PHKB: variants seen among roughly 807,000 people sequenced by gnomAD.
PHKB encodes the protein phosphorylase kinase regulatory subunit beta.
A neutral mutation model predicts 152.1 loss-of-function variants in PHKB; 122 were observed. The ratio of observed to expected loss-of-function variants is 0.80; its 90% CI spans 0.69 to 0.93. PHKB has a LOEUF of 0.93. Among genes scored for constraint, PHKB ranks in the 40% least tolerant of loss-of-function variants. The pLI, the probability that PHKB is intolerant of heterozygous loss-of-function variation, is 0.00. For synonymous variants in PHKB, 436 were observed against 464.9 expected (o/e 0.94, Z 0.80); for missense variants, 1,304 against 1,328.4 (o/e 0.98, Z 0.29).
chr16:47,587,832 A>G, intron 9 of PHKB, 69 bp downstream of exon 9: 1 of 1,161,322 alleles, frequency 8.6e-7, no homozygotes, highest in Middle Eastern at 1.9e-4. Flanking sequence ...TTATATCTTA[A>G]TTTCCAGTAA....
intron 26 of PHKB, among the ~76,000 whole-genome samples, chr16:47,686,001 C>T (rs1973958991): frequency 6.6e-6 from 1 of 152,088 alleles, no homozygotes; most frequent in Non-Finnish European, 1.5e-5. Context: ...CAGCCTCCCA[C>T]AGTGCTGGGA....
intron 10 of PHKB, among the ~76,000 whole-genome samples, chr16:47,591,404 A>G (rs548753541): frequency 1.3e-5 from 2 of 152,156 alleles, no homozygotes; most frequent in African/African-American, 4.8e-5. Context: ...ATCCATTTAC[A>G]TTACTGAGTC....
chr16:47,628,228 G>C (rs1299264698), intron 14 of PHKB, among the ~76,000 whole-genome samples: 1 of 152,056 alleles, frequency 6.6e-6, no homozygotes, highest in Non-Finnish European at 1.5e-5. Flanking sequence ...TGCAATATAG[G>C]GCATATTAAA....
At chr16:47,668,276 C>T (rs1241866954) in intron 25 of PHKB, among the ~76,000 whole-genome samples, 1 of 152,116 alleles carries the variant, frequency 6.6e-6, no homozygotes, top group Non-Finnish European at 1.5e-5. Flanking sequence ...AGTATTCACA[C>T]GCAGACTAAC....
intron 6 of PHKB, 82 bp from the exon 7 acceptor site, chr16:47,547,351 G>C: frequency 4.9e-6 from 4 of 819,202 alleles, no homozygotes; most frequent in Non-Finnish European, 6.3e-6. Context: ...CCAAATTGCT[G>C]GGATTACAGG....
chr16:47,665,255 C>G (rs1054686639), intron 25 of PHKB: 10 of 370,760 alleles, frequency 2.7e-5, no homozygotes, highest in Non-Finnish European at 4.5e-5. Flanking sequence ...ATTTTTATTT[C>G]TCTATCTAAA....
chr16:47,543,063 A>T (rs751595524), intron 6 of PHKB, among the ~76,000 whole-genome samples: 6 of 152,206 alleles, frequency 3.9e-5, no homozygotes, highest in Non-Finnish European at 8.8e-5. Flanking sequence ...GAGAGAGGGC[A>T]TCCCTGTCTT....
intron 14 of PHKB, among the ~76,000 whole-genome samples, chr16:47,628,802 A>T (rs549156800): frequency 6.6e-6 from 1 of 152,314 alleles, no homozygotes; most frequent in African/African-American, 2.4e-5. Flanking sequence ...CCAAAACAGC[A>T]TGGTACTGGT....
chr16:47,504,940 G>A (rs147584121), intron 4 of PHKB, among the ~76,000 whole-genome samples: 1 of 152,228 alleles, frequency 6.6e-6, no homozygotes, highest in Non-Finnish European at 1.5e-5. Flanking sequence ...ATGATGAACT[G>A]TGCCTGGTCA....
chr16:47,474,206 A>G (rs1191613121), intron 1 of PHKB, among the ~76,000 whole-genome samples: 1 of 152,162 alleles, frequency 6.6e-6, no homozygotes, highest in African/African-American at 2.4e-5. Context: ...AAAATCTTTT[A>G]AAGTTTATTG....
chr16:47,639,446 TG>T (rs1271067153), intron 14 of PHKB, among the ~76,000 whole-genome samples: 3 of 152,208 alleles, frequency 2.0e-5, no homozygotes, highest in African/African-American at 7.2e-5. Flanking sequence ...AGGTCCCACT[TG>T]GGCTGGAGTT....
At chr16:47,578,912 T>C (rs983207645) in intron 7 of PHKB, among the ~76,000 whole-genome samples, 2 of 152,086 alleles carry the variant, frequency 1.3e-5, no homozygotes, top group African/African-American at 4.8e-5. Context: ...CTCCTGTCCT[T>C]TGGCTAGAGA....
chr16:47,471,462 A>G (rs1045386705), intron 1 of PHKB, among the ~76,000 whole-genome samples: 1 of 152,148 alleles, frequency 6.6e-6, no homozygotes, highest in Non-Finnish European at 1.5e-5. Context: ...GAAGGTGACA[A>G]AAAGGCGGGG....
At chr16:47,596,337 T>A (rs1300348419) in intron 12 of PHKB, 36 bp from the exon 13 acceptor site, 1 of 1,401,652 alleles carries the variant, frequency 7.1e-7, no homozygotes, top group African/African-American at 1.4e-5. Flanking sequence ...AATACAGATT[T>A]GTTATATTTT....
At position 47,556,134 on chromosome 16, in the gene PHKB, T is replaced by G. The variant is rs150428796; in HGVS notation, c.710+8586T>G. Among the ~76,000 whole-genome samples the G allele has an allele frequency of 2.7e-3, 409 of 152,322 alleles. 5 individuals carry two copies. The highest frequency in any genetic ancestry group is 9.5e-3 in the African/African-American group (395 of 41,580). ...GTACATTGATTTTGTATCCTGAGAC[T>G]TTGCTGAAGTTGCTTATCAGCTTGA... On this transcript the variant is annotated intron_variant, in intron 7 of 30. Coordinates refer to ENST00000323584, the MANE Select transcript of PHKB (RefSeq NM_000293.3).
chr16:47,683,747 G>A (rs1973908378), intron 26 of PHKB, among the ~76,000 whole-genome samples: 1 of 152,104 alleles, frequency 6.6e-6, no homozygotes. Flanking sequence ...TTCGGCTCGT[G>A]CACGGTGCAC....
chr16:47,471,036 G>C (rs1201165064), intron 1 of PHKB, among the ~76,000 whole-genome samples: 2 of 152,140 alleles, frequency 1.3e-5, no homozygotes, highest in East Asian at 3.8e-4. Flanking sequence ...TGTTGCCTGG[G>C]TGATTTTTCT....
intron 14 of PHKB, among the ~76,000 whole-genome samples, chr16:47,620,703 G>A (rs1019959866): frequency 1.3e-5 from 2 of 151,950 alleles, no homozygotes; most frequent in Non-Finnish European, 2.9e-5. Context: ...GTGAAACCCC[G>A]TCTCTACTAA....
chr16:47,620,174 G>A (rs542989223), intron 14 of PHKB, among the ~76,000 whole-genome samples: 6 of 152,136 alleles, frequency 3.9e-5, no homozygotes, highest in Non-Finnish European at 5.9e-5. Context: ...GTTGGATGCA[G>A]CAGAATTTTT....
Sources: allele counts gnomAD v4.1 joint callset (sites outside exome capture counted in the v4.1 genomes callset), GRCh38; gene constraint gnomAD v4.1.1; transcripts MANE v1.5; gene names NCBI Gene and HGNC (gene_info 2026-07-23, HGNC 2026-07-21).